The following NTNG2 variants were observed in gnomAD, a reference collection of about 807,000 sequenced individuals.
The protein encoded by NTNG2 is netrin G2, also known as netrin-G2.
Under a neutral mutation model 47.6 loss-of-function variants are expected in NTNG2, and 15 were observed. The ratio of observed to expected loss-of-function variants is 0.32; its 90% CI spans 0.21 to 0.49. The LOEUF (loss-of-function observed/expected upper bound fraction) is 0.49. Among genes scored for constraint, NTNG2 ranks in the 20% least tolerant of loss-of-function variants. The probability of loss-of-function intolerance (pLI) is 0.99; values close to 1 mark genes in which losing one functional copy is unlikely to be tolerated. For synonymous variants in NTNG2, 307 were observed against 324.6 expected (o/e 0.95, Z 0.58); for missense variants, 578 against 764.6 (o/e 0.76, Z 2.88).
At chr9:132,227,803 C>T (rs1311342248) in intron 4 of NTNG2, among the ~76,000 whole-genome samples, 2 of 152,208 alleles carry the variant, frequency 1.3e-5, no homozygotes, top group Admixed American at 6.5e-5. Context: ...TAGCGTAGTC[C>T]ACACTGTCTC....
At chr9:132,203,091 C>T (rs188992914) in intron 3 of NTNG2, among the ~76,000 whole-genome samples, 1 of 152,264 alleles carries the variant, frequency 6.6e-6, no homozygotes, top group East Asian at 1.9e-4. Flanking sequence ...GCCATTCCTG[C>T]ACCCACCCCA....
At chr9:132,199,061 G>T (rs1838543076) in intron 3 of NTNG2, among the ~76,000 whole-genome samples, 2 of 152,132 alleles carry the variant, frequency 1.3e-5, no homozygotes, top group Admixed American at 1.3e-4. Flanking sequence ...TACATCATAG[G>T]GACTGCCTAG....
At position 132,226,936 on chromosome 9, in the gene NTNG2, C is replaced by G; in HGVS notation, c.945C>G (p.Asp315Glu). The G allele has an allele frequency of 3.1e-6, 5 of 1,613,022 alleles. No homozygotes were observed. Among genetic ancestry groups the G allele is most frequent in the Non-Finnish European group, 4.2e-6 (5 of 1,179,856 alleles). ...GCGAGCACAACACCACCGGCCCCGA[C>G]TGCGGCAAGTGCAAGAAGAATTTCC... is the stretch of plus-strand genomic sequence containing the variant. ...CECEHNTTGPDCGKCKKNFRT... is the reference protein window; with the variant it reads ...CECEHNTTGPECGKCKKNFRT... Residue 315 changes from aspartate to glutamate, a missense_variant, in exon 4 of 8, where the codon GAC becomes GAG. Physicochemically the swap from Asp to Glu is conservative, Grantham distance 45. Coordinates refer to ENST00000393229, the MANE Select transcript of NTNG2 (RefSeq NM_032536.4). The surrounding 1 kb of genome is among the most constrained non-coding windows in gnomAD (Gnocchi z 4.8).
At chr9:132,207,078 G>A (rs542748720) in intron 3 of NTNG2, among the ~76,000 whole-genome samples, 4 of 152,380 alleles carry the variant, frequency 2.6e-5, no homozygotes, top group South Asian at 2.1e-4. Flanking sequence ...GCACAGCAAC[G>A]CCTTCCCAGC....
intron 3 of NTNG2, among the ~76,000 whole-genome samples, chr9:132,206,673 AT>A (rs1237769506): frequency 6.6e-6 from 1 of 152,248 alleles, no homozygotes; most frequent in Non-Finnish European, 1.5e-5. Context: ...TCTCAAAAAA[AT>A]AAATAAATAA....
Position 132,198,598 on chromosome 9 carries a change from G to A in NTNG2, c.846G>A (p.Glu282=), listed in dbSNP as rs1297469724. The A allele has an allele frequency of 6.2e-7, 1 of 1,606,222 alleles. No homozygotes were observed. Among genetic ancestry groups the A allele is most frequent in the African/African-American group, 1.3e-5 (1 of 74,822 alleles). ...YKYFYAISNI[E]VIGRCKCNLH... Reference sequence around the variant, plus strand: ...ACTTCTACGCCATCTCCAACATCGAGGTCATCGGCAGGTAAGGCCGGGGGA... The same window carrying A: ...ACTTCTACGCCATCTCCAACATCGAAGTCATCGGCAGGTAAGGCCGGGGGA... The change falls in exon 3 of 8, where the codon GAG becomes GAA. Residue 282 remains glutamate (E), a synonymous_variant. Transcript: ENST00000393229.
Position 132,218,637 on chromosome 9 carries a change from C to T in NTNG2, c.858-8212C>T, listed in dbSNP as rs1408251797. On this transcript the variant is annotated intron_variant, in intron 3 of 7. Transcript: ENST00000393229. This position sits in a 1 kb window ranked among gnomAD's most constrained non-coding sequence, Gnocchi z 5.4. ...TCAGCCTCCCGAGTAGCTGGGATTA[C>T]AGGCGCATGCCACCACACCCAGCTA... Among the ~76,000 whole-genome samples the T allele has an allele frequency of 6.6e-6, 1 of 152,146 alleles. No homozygotes were observed. The highest frequency in any genetic ancestry group is 2.4e-5 in the African/African-American group (1 of 41,424).
At chr9:132,234,738 C>A (rs1841498209) in intron 5 of NTNG2, among the ~76,000 whole-genome samples, 1 of 152,260 alleles carries the variant, frequency 6.6e-6, no homozygotes, top group South Asian at 2.1e-4. Flanking sequence ...GCCTTCAGGG[C>A]TGGCTTTCTC....
intron 6 of NTNG2, among the ~76,000 whole-genome samples, chr9:132,239,571 G>T (rs1259764456): frequency 1.3e-5 from 2 of 152,228 alleles, no homozygotes; most frequent in East Asian, 3.9e-4. Flanking sequence ...GCTCCAAAGA[G>T]CTGTGACTCT....
At chr9:132,211,598 G>C (rs1839593496) in intron 3 of NTNG2, among the ~76,000 whole-genome samples, 1 of 152,066 alleles carries the variant, frequency 6.6e-6, no homozygotes, top group Non-Finnish European at 1.5e-5. Context: ...TAGTCCTTCT[G>C]CCTGGAACAT....
chr9:132,181,522 T>C (rs1307994285), intron 2 of NTNG2, among the ~76,000 whole-genome samples: 1 of 152,168 alleles, frequency 6.6e-6, no homozygotes, highest in African/African-American at 2.4e-5. Flanking sequence ...AGTTTCACCA[T>C]GTTGGCCAGG....
intron 2 of NTNG2, among the ~76,000 whole-genome samples, chr9:132,172,332 C>A (rs1835990292): frequency 6.6e-6 from 1 of 152,200 alleles, no homozygotes; most frequent in South Asian, 2.1e-4. Flanking sequence ...ACTGGCCTAT[C>A]AGTGAAGAGT....
intron 2 of NTNG2, among the ~76,000 whole-genome samples, chr9:132,189,068 C>CTTTCTTTTTTTTTTT (rs1837640741): frequency 2.1e-5 from 2 of 93,280 alleles, no homozygotes; most frequent in South Asian, 3.5e-4. Flanking sequence ...TTAAGCCTTT[C>CTTTCTTTTTTTTTTT]TTTTTTTTTT....
rs1835292740 is a variant in NTNG2, at chr9:132,163,909, T to G, written c.-484+1670T>G. On this transcript the variant is annotated intron_variant, in intron 1 of 7. Transcript: ENST00000393229. The surrounding 1 kb of genome is among the most constrained non-coding windows in gnomAD (Gnocchi z 7.2). ...AAGAAAATAAAGCACATTGATTCTA[T>G]TTGTTTCTGGGAGCTGCAGTTTCTT... Among the ~76,000 whole-genome samples, 1 of 152,184 alleles carries G rather than the reference T, an allele frequency of 6.6e-6. No homozygotes were observed. The highest frequency in any genetic ancestry group is 2.4e-5 in the African/African-American group (1 of 41,442).
chr9:132,167,286 C>T (rs531024158), intron 2 of NTNG2, among the ~76,000 whole-genome samples: 10 of 152,256 alleles, frequency 6.6e-5, no homozygotes, highest in African/African-American at 1.2e-4. Flanking sequence ...GGGGCATTCT[C>T]GGCCAGCTGG....
At chr9:132,233,388 AGG>A (rs1342543617) in intron 5 of NTNG2, 1 of 152,334 alleles carries the variant, frequency 6.6e-6, no homozygotes, top group Non-Finnish European at 1.5e-5. Flanking sequence ...ACTTGGTGCC[AGG>A]GCAGCCGTGG....
intron 3 of NTNG2, among the ~76,000 whole-genome samples, 167 bp downstream of exon 3, chr9:132,198,776 T>C (rs1237023613): frequency 6.6e-6 from 1 of 152,070 alleles, no homozygotes; most frequent in Non-Finnish European, 1.5e-5. Context: ...CATCGTTACC[T>C]GGTTCCCCGG....
At chr9:132,193,581 C>T (rs957789066) in intron 2 of NTNG2, among the ~76,000 whole-genome samples, 9 of 152,116 alleles carry the variant, frequency 5.9e-5, no homozygotes, top group East Asian at 1.9e-4. Flanking sequence ...CGCAGTGTGA[C>T]GCCACTTGGT....
chr9:132,231,426 C>G lies in NTNG2; in HGVS notation c.1054+831C>G, dbSNP rs144387506. ...GATGCTTCTGGGGTGCACCGTCACC[C>G]TCCACCAGGGCTCTGTGGGGCCCCA... On this transcript the variant is annotated intron_variant, in intron 5 of 7. Transcript: ENST00000393229. This position sits in a 1 kb window ranked among gnomAD's most constrained non-coding sequence, Gnocchi z 4.1. 4.5e-6 allele frequency: 2 copies of G among 440,304 alleles called. No homozygotes were observed. Among genetic ancestry groups the G allele is most frequent in the African/African-American group, 4.0e-5 (2 of 49,692 alleles). 27.3% of individuals were successfully genotyped at this position (440,304 alleles called of 1,614,324 possible).
Sources: gnomAD v4.1 joint callset for allele counts (sites outside exome capture counted in the v4.1 genomes callset) on GRCh38, gnomAD v4.1.1 for gene constraint, Gnocchi (gnomAD v3.1) non-coding constraint, MANE v1.5 for transcripts, NCBI Gene and HGNC (gene_info 2026-07-23, HGNC 2026-07-21) for gene names.